Variants in NDC80 observed in about 807,000 individuals in gnomAD.
NDC80 encodes NDC80 kinetochore complex component.
A neutral mutation model predicts 89.3 loss-of-function variants in NDC80; 69 were observed. That is an observed-to-expected ratio of 0.77 (90% CI 0.64 to 0.94). The LOEUF is 0.94. NDC80 is among the 40% of genes least tolerant of loss of function. The pLI is 0.00. For synonymous variants in NDC80, 243 were observed against 255.6 expected, an observed-to-expected ratio of 0.95 and a Z score of 0.47; for missense variants, 593 against 739.6, an observed-to-expected ratio of 0.80 and a Z score of 2.30.
intron 10 of NDC80, among the ~76,000 whole-genome samples, chr18:2,590,535 G>C (rs1041663850): frequency 1.3e-5 from 2 of 152,074 alleles, no homozygotes; most frequent in Non-Finnish European, 2.9e-5. Flanking sequence ...CTTCTCCTCT[G>C]TGTTTGTACT....
At chr18:2,585,307 C>A in intron 7 of NDC80, 105 bp downstream of exon 7, 1 of 805,506 alleles carries the variant, frequency 1.2e-6, no homozygotes, top group African/African-American at 1.7e-5. Flanking sequence ...AGTAATAAAC[C>A]GACTGTAAGG....
At chr18:2,597,160 A>C (rs555076727) in intron 11 of NDC80, among the ~76,000 whole-genome samples, 1 of 152,130 alleles carries the variant, frequency 6.6e-6, no homozygotes, top group African/African-American at 2.4e-5. Context: ...ATGTACCCTA[A>C]AACTTAAAGT....
chr18:2,610,561 G>A (rs1387546565), intron 15 of NDC80, among the ~76,000 whole-genome samples, 198 bp from the exon 16 acceptor site: 1 of 152,188 alleles, frequency 6.6e-6, no homozygotes, highest in Non-Finnish European at 1.5e-5. Flanking sequence ...TTTGTTGCTT[G>A]CAAAGGATCT....
At chr18:2,610,626 A>G (rs746182472) in intron 15 of NDC80, 133 bp from the exon 16 acceptor site, 3 of 486,616 alleles carry the variant, frequency 6.2e-6, no homozygotes, top group Non-Finnish European at 1.1e-5. Flanking sequence ...TCTACAAATT[A>G]TACATATAGT....
chr18:2,613,868 G>A (rs752893051), intron 16 of NDC80, among the ~76,000 whole-genome samples: 5 of 152,090 alleles, frequency 3.3e-5, no homozygotes, highest in Non-Finnish European at 7.4e-5. Context: ...GATATACAAT[G>A]GCCTTTGAAA....
chr18:2,584,954 C>T (rs1166309089), intron 6 of NDC80, among the ~76,000 whole-genome samples, 159 bp from the exon 7 acceptor site: 2 of 152,064 alleles, frequency 1.3e-5, no homozygotes, highest in Admixed American at 1.3e-4. Context: ...GAAAGAAAGT[C>T]AAAAGTGTTA....
intron 12 of NDC80, 109 bp from the exon 13 acceptor site, chr18:2,601,285 CTT>C (rs1419981016): frequency 4.9e-6 from 2 of 407,942 alleles, no homozygotes; most frequent in Middle Eastern, 5.2e-4. Context: ...AATGTTATAA[CTT>C]CAGTTTTTCT....
intron 6 of NDC80, among the ~76,000 whole-genome samples, chr18:2,580,240 G>T (rs559658176): frequency 1.1e-4 from 17 of 150,560 alleles, no homozygotes; most frequent in South Asian, 2.1e-4. Context: ...TTTTTTTTGT[G>T]TTGATTTGCA....
chr18:2,587,858 A>T lies in NDC80; in HGVS notation c.698A>T (p.Tyr233Phe). Reference protein sequence around the residue: ...KLFLDYTIKCYESFMSGADSF... With the variant: ...KLFLDYTIKCFESFMSGADSF... Reference sequence around the variant, plus strand: ...TTTTTGGACTACACCATAAAATGCTATGAGAGTTTTATGAGTGGTGCCGAC... The same window carrying T: ...TTTTTGGACTACACCATAAAATGCTTTGAGAGTTTTATGAGTGGTGCCGAC... The change falls in exon 8 of 17, where the codon TAT (tyrosine) becomes TTT (phenylalanine). Residue 233 changes from tyrosine (Y) to phenylalanine (F), a missense_variant. Coordinates refer to ENST00000261597, the MANE Select transcript of NDC80 (RefSeq NM_006101.3). 1 of 1,613,638 alleles carries T rather than the reference A, an allele frequency of 6.2e-7. No homozygotes were observed. Among genetic ancestry groups the T allele is most frequent in the Non-Finnish European group, 8.5e-7 (1 of 1,179,598 alleles).
intron 7 of NDC80, among the ~76,000 whole-genome samples, 167 bp from the exon 8 acceptor site, chr18:2,587,663 T>G (rs1187240066): frequency 6.6e-6 from 1 of 152,210 alleles, no homozygotes; most frequent in African/African-American, 2.4e-5. Context: ...TAAGTCCATA[T>G]AGCATAATTA....
intron 12 of NDC80, 22 bp downstream of exon 12, chr18:2,599,193 TAAGA>T (rs1568006971): frequency 6.3e-7 from 1 of 1,584,402 alleles, no homozygotes; most frequent in Non-Finnish European, 8.6e-7. Context: ...TGACTACTTT[TAAGA>T]TTTTTTTAAT....
chr18:2,584,771 A>T (rs981619214), intron 6 of NDC80, among the ~76,000 whole-genome samples: 5 of 152,210 alleles, frequency 3.3e-5, no homozygotes, highest in Non-Finnish European at 7.3e-5. Flanking sequence ...TTAAAGTTGC[A>T]TTAAAATGTG....
intron 4 of NDC80, 25 bp from the exon 5 acceptor site, chr18:2,577,944 T>C: frequency 6.2e-7 from 1 of 1,610,056 alleles, no homozygotes. Flanking sequence ...ACAAAACGTT[T>C]GGTGGTTCAT....
At chr18:2,594,716 T>C (rs2072645579) in intron 10 of NDC80, 1 of 152,530 alleles carries the variant, frequency 6.6e-6, no homozygotes, top group African/African-American at 2.4e-5. Context: ...ATAGACTGCC[T>C]TATGTGCTTT....
At chr18:2,614,439 A>AAAAGAAAG (rs758768165) in intron 16 of NDC80, 295 of 24,472 alleles carry the variant, frequency 0.012, 32 homozygotes, top group Middle Eastern at 0.029. Flanking sequence ...CTGTCTCAAA[A>AAAAGAAAG]AAAGAAAGAA....
intron 13 of NDC80, among the ~76,000 whole-genome samples, chr18:2,602,076 C>A (rs2072686812): frequency 6.6e-6 from 1 of 152,090 alleles, no homozygotes; most frequent in Non-Finnish European, 1.5e-5. Context: ...TTCTCAAATG[C>A]ACACACAAAG....
chr18:2,614,039 T>A (rs1480604726), intron 16 of NDC80, among the ~76,000 whole-genome samples: 1 of 152,178 alleles, frequency 6.6e-6, no homozygotes, highest in Admixed American at 6.5e-5. Context: ...CTTAAGAAAT[T>A]GGCAAAAATT....
intron 3 of NDC80, chr18:2,577,216 T>C (rs2072551044): frequency 9.0e-5 from 1 of 11,078 alleles, no homozygotes; most frequent in African/African-American, 2.7e-4. Flanking sequence ...CTGTCTGCGC[T>C]TTTTTTTTTT....
intron 2 of NDC80, among the ~76,000 whole-genome samples, chr18:2,574,585 G>A (rs2072536301): frequency 1.3e-5 from 2 of 151,858 alleles, no homozygotes; most frequent in South Asian, 2.1e-4. Context: ...GTGTCTTTGG[G>A]CTACAAATTT....
Sources: allele counts gnomAD v4.1 joint callset (sites outside exome capture counted in the v4.1 genomes callset), GRCh38; gene constraint gnomAD v4.1.1; transcripts MANE v1.5; gene names NCBI Gene and HGNC (gene_info 2026-07-23, HGNC 2026-07-21).